GPC5: variants seen among roughly 807,000 people sequenced by gnomAD.
The protein encoded by GPC5 is glypican-5.
GPC5 carries 47 observed loss-of-function variants against 53.9 expected under a neutral mutation model. That is an observed-to-expected ratio of 0.87 (90% CI 0.69 to 1.11). The LOEUF is 1.11. Among genes scored for constraint, GPC5 ranks in the 50% most tolerant of loss-of-function variants. GPC5 has a pLI of 0.00. For missense variants in GPC5, 748 were observed against 713.1 expected (o/e 1.05, Z -0.56); for synonymous variants, 286 against 263.3 (o/e 1.09, Z -0.84).
At chr13:92,203,973 A>T (rs1329302681) in intron 7 of GPC5, among the ~76,000 whole-genome samples, 1 of 152,224 alleles carries the variant, frequency 6.6e-6, no homozygotes, top group Non-Finnish European at 1.5e-5. Context: ...ATAGTAAAAC[A>T]AAATTGAAGT....
At chr13:91,515,466 T>G (rs1319370613) in intron 2 of GPC5, among the ~76,000 whole-genome samples, 2 of 152,208 alleles carry the variant, frequency 1.3e-5, no homozygotes, top group Non-Finnish European at 2.9e-5. Context: ...TGAATTAGGC[T>G]ATGTTTTCTT....
At chr13:92,578,613 A>G (rs1051499944) in intron 7 of GPC5, among the ~76,000 whole-genome samples, 3 of 152,162 alleles carry the variant, frequency 2.0e-5, no homozygotes, top group Non-Finnish European at 4.4e-5. Flanking sequence ...ACTCCAGAAG[A>G]GAGAGCAAAC....
At chr13:91,773,993 C>T (rs776314820) in intron 5 of GPC5, among the ~76,000 whole-genome samples, 7 of 152,062 alleles carry the variant, frequency 4.6e-5, no homozygotes, top group Non-Finnish European at 7.4e-5. Flanking sequence ...TCTGGGATTC[C>T]TAATTAGCAA....
intron 7 of GPC5, among the ~76,000 whole-genome samples, chr13:92,542,087 A>G (rs1302122913): frequency 3.3e-5 from 5 of 152,070 alleles, no homozygotes; most frequent in Admixed American, 3.3e-4. Flanking sequence ...AATCTGGAAT[A>G]AAGCATAATG....
rs1566400471 is a variant in GPC5 at position 92,751,302 on chromosome 13, T to TAAAAAAAAAAAAAAA, written c.1562-114980_1562-114979insAAAAAAAAAAAAAAA. On this transcript the variant is annotated intron_variant, in intron 7 of 7. Coordinates refer to ENST00000377067, the MANE Select transcript of GPC5 (RefSeq NM_004466.6). ...AAAACCTTTGGTCATCCAGAAACAT[T>TAAAAAAAAAAAAAAA]TAAAAAAAAAAAAAAAAAAAAAAAA... Among the ~76,000 whole-genome samples the TAAAAAAAAAAAAAAA allele has an allele frequency of 6.0e-3, 207 of 34,400 alleles. 36 individuals carry two copies. Among genetic ancestry groups the TAAAAAAAAAAAAAAA allele is most frequent in the Middle Eastern group, 0.023 (1 of 44 alleles). The allele number at this position is 34,400 out of a possible 152,430, so 22.6% of individuals were successfully genotyped here.
At chr13:92,587,763 G>A (rs1425706989) in intron 7 of GPC5, among the ~76,000 whole-genome samples, 1 of 151,936 alleles carries the variant, frequency 6.6e-6, no homozygotes, top group East Asian at 1.9e-4. Flanking sequence ...AGCTTCCTGG[G>A]CATTCACTCC....
intron 2 of GPC5, among the ~76,000 whole-genome samples, chr13:91,661,453 G>A (rs1413968664): frequency 1.3e-5 from 2 of 152,178 alleles, no homozygotes; most frequent in Non-Finnish European, 2.9e-5. Context: ...TTGGGGGCAG[G>A]TTCCTCTGTC....
intron 5 of GPC5, among the ~76,000 whole-genome samples, chr13:91,781,178 G>A (rs2037793302): frequency 6.6e-6 from 1 of 152,178 alleles, no homozygotes; most frequent in Non-Finnish European, 1.5e-5. Context: ...TTGTTGGGAT[G>A]ACTTTGTTGT....
chr13:91,674,077 C>A (rs1393700083), intron 2 of GPC5, among the ~76,000 whole-genome samples: 1 of 152,148 alleles, frequency 6.6e-6, no homozygotes, highest in East Asian at 1.9e-4. Context: ...ATCTTTGTAA[C>A]TGACATCAGT....
At chr13:92,498,186 G>T (rs1487658825) in intron 7 of GPC5, among the ~76,000 whole-genome samples, 1 of 152,074 alleles carries the variant, frequency 6.6e-6, no homozygotes, top group African/African-American at 2.4e-5. Context: ...TGACCTGAAA[G>T]ATCAAGTGTT....
intron 7 of GPC5, among the ~76,000 whole-genome samples, chr13:92,350,254 A>G (rs1393010414): frequency 6.6e-6 from 1 of 152,116 alleles, no homozygotes; most frequent in Non-Finnish European, 1.5e-5. Flanking sequence ...AAGGCCATAT[A>G]TGAGAAGTCC....
intron 5 of GPC5, among the ~76,000 whole-genome samples, chr13:91,866,698 A>G (rs4555011): frequency 6.6e-6 from 1 of 152,196 alleles, no homozygotes; most frequent in Non-Finnish European, 1.5e-5. Flanking sequence ...GGTCCCAGGT[A>G]TTCCTTTATA....
intron 7 of GPC5, among the ~76,000 whole-genome samples, chr13:92,233,546 GAC>G (rs1307430967): frequency 6.6e-6 from 1 of 152,130 alleles, no homozygotes; most frequent in Non-Finnish European, 1.5e-5. Flanking sequence ...GTTGACATAA[GAC>G]AGAATAAAAG....
At chr13:92,660,090 C>T (rs959162701) in intron 7 of GPC5, among the ~76,000 whole-genome samples, 3 of 152,122 alleles carry the variant, frequency 2.0e-5, no homozygotes, top group Non-Finnish European at 2.9e-5. Flanking sequence ...GCAGTAATTC[C>T]TTATTACATT....
At chr13:92,069,521 C>A (rs1357977180) in intron 6 of GPC5, among the ~76,000 whole-genome samples, 2 of 151,562 alleles carry the variant, frequency 1.3e-5, no homozygotes, top group African/African-American at 4.9e-5. Flanking sequence ...TACCTCATGG[C>A]ATCTCCATAT....
At chr13:92,058,174 T>G (rs1341661666) in intron 6 of GPC5, among the ~76,000 whole-genome samples, 1 of 152,130 alleles carries the variant, frequency 6.6e-6, no homozygotes, top group East Asian at 1.9e-4. Flanking sequence ...GGTCTTTAGA[T>G]TTTTTAAAAA....
chr13:92,563,061 G>T lies in GPC5; in HGVS notation c.1562-303221G>T, dbSNP rs7330263. The stretch of plus-strand genomic sequence containing the variant: ...ATTCCCCCACTCCAGTTTGGTGACG[G>T]GCAGGTACCAATCAATATCATTTTT... On this transcript the variant is annotated intron_variant, in intron 7 of 7. Transcript: ENST00000377067. Among the ~76,000 whole-genome samples the T allele has an allele frequency of 5.9e-3, 894 of 151,996 alleles. 11 individuals are homozygous for T. The highest frequency in any genetic ancestry group is 0.02 in the African/African-American group (834 of 41,508).
intron 7 of GPC5, among the ~76,000 whole-genome samples, chr13:92,496,873 A>G (rs1880000516): frequency 6.6e-6 from 1 of 152,176 alleles, no homozygotes; most frequent in South Asian, 2.1e-4. Flanking sequence ...CACAACCTCA[A>G]TTCTTGCTTG....
At chr13:91,672,276 G>C (rs1486544387) in intron 2 of GPC5, among the ~76,000 whole-genome samples, 1 of 152,140 alleles carries the variant, frequency 6.6e-6, no homozygotes, top group Non-Finnish European at 1.5e-5. Context: ...CATAGCAAAA[G>C]AAACTATCAT....
Sources: allele counts gnomAD v4.1 joint callset (sites outside exome capture counted in the v4.1 genomes callset), GRCh38; gene constraint gnomAD v4.1.1; transcripts MANE v1.5; gene names NCBI Gene and HGNC (gene_info 2026-07-23, HGNC 2026-07-21).